CFAP69: variants seen among roughly 807,000 people sequenced by gnomAD.
CFAP69 encodes the protein cilia and flagella associated protein 69.
CFAP69 carries 92 observed loss-of-function variants against 123.0 expected under a neutral mutation model. The observed-to-expected ratio is 0.75, with a 90% CI of 0.63 to 0.89. CFAP69 has a LOEUF of 0.89. Among genes scored for constraint, CFAP69 ranks in the 40% least tolerant of loss-of-function variants. The probability of loss-of-function intolerance (pLI) is 0.00; values close to 1 mark genes in which losing one functional copy is unlikely to be tolerated. For missense variants in CFAP69, 1,067 were observed against 1,096.9 expected, an observed-to-expected ratio of 0.97 and a Z score of 0.39; for synonymous variants, 380 against 364.3, an observed-to-expected ratio of 1.04 and a Z score of -0.49.
At position 90,299,371 on chromosome 7, in the gene CFAP69, A is replaced by G. The variant is rs548537610; in HGVS notation, c.1858-496A>G. 6.8e-4 allele frequency among the ~76,000 whole-genome samples: 104 copies of G among 152,278 alleles called. No individual in the cohort carries two copies. In the East Asian group the frequency reaches 8.1e-3, roughly 12 times the overall value. On this transcript the variant is annotated intron_variant, in intron 16 of 22. Coordinates refer to ENST00000389297, the MANE Select transcript of CFAP69 (RefSeq NM_001039706.3). Reference sequence around the variant, plus strand: ...TACTCTTTTATGGATGATGATTGCCACAAAACCAAATTACATCTTGTTTTA... The same window carrying G: ...TACTCTTTTATGGATGATGATTGCCGCAAAACCAAATTACATCTTGTTTTA...
rs1349247784 is a variant in CFAP69 at position 90,288,233 on chromosome 7, G to A, written c.1657-1G>A. The A allele has an allele frequency of 1.9e-6, 3 of 1,599,044 alleles. No homozygotes were observed. The highest frequency in any genetic ancestry group is 2.6e-6 in the Non-Finnish European group (3 of 1,169,602). On this transcript the variant is annotated splice_acceptor_variant, in intron 14 of 22. Transcript: ENST00000389297. LOFTEE classifies it high-confidence loss of function. ...TAATTTAAAACAAATATCTTAAACA[G>A]GAAATTTTCGGAACTGAAGGAGTAG...
chr7:90,300,535 A>G, intron 17 of CFAP69: 1 of 644,610 alleles, frequency 1.6e-6, no homozygotes, highest in Non-Finnish European at 1.9e-6. Context: ...AAATAAAAAT[A>G]GTCCAAATGT....
chr7:90,275,589 C>CGTTTTTTTTTTTT (rs1562875616), intron 9 of CFAP69, among the ~76,000 whole-genome samples: 1 of 91,496 alleles, frequency 1.1e-5, no homozygotes, highest in African/African-American at 4.1e-5. Context: ...AGGCCAAAAG[C>CGTTTTTTTTTTTT]CTTTTTTTTT....
intron 15 of CFAP69, among the ~76,000 whole-genome samples, chr7:90,293,104 G>A (rs117215238): frequency 0.014 from 2,070 of 152,238 alleles, 18 homozygotes; most frequent in South Asian, 0.041. Flanking sequence ...AATTGTAGGC[G>A]TTTCCCATCA....
chr7:90,291,894 A>G (rs1214550834), intron 15 of CFAP69, among the ~76,000 whole-genome samples: 1 of 152,176 alleles, frequency 6.6e-6, no homozygotes, highest in Non-Finnish European at 1.5e-5. Context: ...CACATTACCT[A>G]GCCCTCTTGT....
intron 17 of CFAP69, chr7:90,303,463 A>G: frequency 1.5e-6 from 1 of 664,456 alleles, no homozygotes; most frequent in Non-Finnish European, 1.9e-6. Context: ...GATGGCTCTT[A>G]TTATTTTTAG....
intron 13 of CFAP69, among the ~76,000 whole-genome samples, chr7:90,283,390 A>C (rs1789773683): frequency 6.6e-6 from 1 of 152,206 alleles, no homozygotes; most frequent in African/African-American, 2.4e-5. Context: ...ATTTTAAAAC[A>C]GGATAACATG....
chr7:90,275,617 T>TTG (rs1788486367), intron 9 of CFAP69, among the ~76,000 whole-genome samples: 1 of 137,204 alleles, frequency 7.3e-6, no homozygotes, highest in Non-Finnish European at 1.5e-5. Context: ...TTTTTTTTTT[T>TTG]TTGAGACGGA....
At position 90,302,223 on chromosome 7, in the gene CFAP69, C is replaced by A. The variant is rs534736808; in HGVS notation, c.2051-1746C>A. On this transcript the variant is annotated intron_variant, in intron 17 of 22. Transcript: ENST00000389297. The stretch of plus-strand genomic sequence containing the variant: ...TTCATTATAGATGCTGGATATTAGA[C>A]CTCTGTCAGATGCATAGTTTGCACA... 3.9e-5 allele frequency: 6 copies of A among 152,088 alleles called. No homozygotes were observed. In the East Asian group the frequency reaches 9.6e-4, roughly 24 times the overall value. The allele number at this position is 152,088 out of a possible 1,614,324, so 9.4% of individuals were successfully genotyped here.
intron 18 of CFAP69, chr7:90,304,326 G>C (rs770731955): frequency 2.3e-6 from 3 of 1,278,394 alleles, no homozygotes; most frequent in Admixed American, 7.6e-5. Flanking sequence ...AGCTCCCCAG[G>C]CAATTCCAAT....
chr7:90,275,590 CTTTTTTTTTTTTTTT>C (rs57578763), intron 9 of CFAP69, among the ~76,000 whole-genome samples: 3 of 62,038 alleles, frequency 4.8e-5, no homozygotes, highest in African/African-American at 6.7e-5. Flanking sequence ...GGCCAAAAGC[CTTTTTTTTTTTTTTT>C]TTTTTTTTTT....
rs148668973 is a variant in CFAP69 at position 90,309,685 on chromosome 7, G to A, written c.2655+318G>A. ...CTCCAATGTATATCCACTTTTGCCC[G>A]GTTCTGGTTTAGAGTAGGCCCAGCC... On this transcript the variant is annotated intron_variant, in intron 22 of 22. Transcript: ENST00000389297. Among the ~76,000 whole-genome samples, 383 of 152,030 alleles carry A rather than the reference G, an allele frequency of 2.5e-3. 3 individuals are homozygous for A. The highest frequency in any genetic ancestry group is 8.8e-3 in the African/African-American group (365 of 41,464).
At chr7:90,308,064 A>G (rs183515787) in intron 21 of CFAP69, among the ~76,000 whole-genome samples, 1 of 152,326 alleles carries the variant, frequency 6.6e-6, no homozygotes, top group East Asian at 1.9e-4. Context: ...TTGGTTTATC[A>G]GGGAGAAACA....
chr7:90,292,555 G>A (rs1383769264), intron 15 of CFAP69, among the ~76,000 whole-genome samples: 1 of 152,104 alleles, frequency 6.6e-6, no homozygotes, highest in Admixed American at 6.6e-5. Flanking sequence ...TACCTATATT[G>A]CCATAAATTA....
chr7:90,305,996 G>T, intron 19 of CFAP69, among the ~76,000 whole-genome samples: 1 of 137,396 alleles, frequency 7.3e-6, no homozygotes, highest in Non-Finnish European at 1.5e-5. Flanking sequence ...AGCCTAAAGT[G>T]CAGTTGCATG....
chr7:90,270,375 TAGTG>T (rs1355364976), intron 6 of CFAP69, among the ~76,000 whole-genome samples: 1 of 152,202 alleles, frequency 6.6e-6, no homozygotes, highest in Non-Finnish European at 1.5e-5. Context: ...ATAAAAGTTT[TAGTG>T]AGTACAGTAG....
In CFAP69 at chr7:90,288,288, C is replaced by T; in HGVS notation, c.1711C>T (p.Pro571Ser). The stretch of plus-strand genomic sequence containing the variant: ...CGTTCTTCATGTGATGAAAACAGAC[C>T]CCAGGAAGTTACAGAGTGGCTTAGG... ...DIVLHVMKTD[P>S]RKLQSGLGYN... The change falls in exon 15 of 23, where the codon CCC (proline) becomes TCC (serine). Residue 571 changes from proline to serine, a missense_variant. Pro to Ser is a moderately conservative substitution (Grantham distance 74). Coordinates refer to ENST00000389297, the MANE Select transcript of CFAP69 (RefSeq NM_001039706.3). 1 of 1,611,718 alleles carries T rather than the reference C, an allele frequency of 6.2e-7. No homozygotes were observed. Among genetic ancestry groups the T allele is most frequent in the African/African-American group, 1.3e-5 (1 of 74,860 alleles).
chr7:90,312,395 A>C (rs190741654), downstream of CFAP69: 2 of 152,368 alleles, frequency 1.3e-5, no homozygotes, highest in Admixed American at 1.3e-4. Context: ...TATGTAGTAC[A>C]ACTAAATGTC....
At position 90,310,167 on chromosome 7, in the gene CFAP69, C is replaced by T. The variant is rs772091291; in HGVS notation, c.2755C>T (p.Arg919Ter). The change falls in exon 23 of 23, where the codon CGA (arginine) becomes TGA (stop). Residue 919 changes from arginine to a stop codon, truncating the protein, a stop_gained. Transcript: ENST00000389297. LOFTEE classifies it high-confidence loss of function. Reference protein sequence around the residue: ...TDIALKKLPIRGGALQRVKAV... With the variant: ...TDIALKKLPI The stretch of plus-strand genomic sequence containing the variant: ...TATTGCTCTTAAAAAACTGCCCATT[C>T]GAGGAGGAGCCTTGCAGAGGGTGAA... 78 of 1,613,724 alleles carry T rather than the reference C, an allele frequency of 4.8e-5. 1 individual carries two copies. In the Admixed American group the frequency reaches 1.1e-3, roughly 22 times the overall value.
Sources: allele counts gnomAD v4.1 joint callset (sites outside exome capture counted in the v4.1 genomes callset), GRCh38; gene constraint gnomAD v4.1.1; transcripts MANE v1.5; gene names NCBI Gene and HGNC (gene_info 2026-07-23, HGNC 2026-07-21).